ARHGEF18: variants seen among roughly 807,000 people sequenced by gnomAD.
The protein encoded by ARHGEF18 is rho guanine nucleotide exchange factor 18.
ARHGEF18 carries 93 observed loss-of-function variants against 155.7 expected under a neutral mutation model. The ratio of observed to expected loss-of-function variants is 0.60; its 90% CI spans 0.50 to 0.71. The LOEUF is 0.71. Among genes scored for constraint, ARHGEF18 ranks in the 30% least tolerant of loss-of-function variants. ARHGEF18 has a pLI of 0.00. For missense variants in ARHGEF18, 1,593 were observed against 1,816.1 expected (o/e 0.88, Z 2.23); for synonymous variants, 742 against 753.1 (o/e 0.99, Z 0.24).
intron 10 of ARHGEF18, among the ~76,000 whole-genome samples, chr19:7,388,155 T>C (rs975409813): frequency 6.6e-6 from 1 of 152,074 alleles, no homozygotes; most frequent in Non-Finnish European, 1.5e-5. Flanking sequence ...TGAATGTCAC[T>C]TTATAATCAC....
At chr19:7,398,901 G>A (rs1426387839) in intron 10 of ARHGEF18, among the ~76,000 whole-genome samples, 1 of 152,192 alleles carries the variant, frequency 6.6e-6, no homozygotes, top group Non-Finnish European at 1.5e-5. Flanking sequence ...CAGGGCCGTG[G>A]TGACTGGCTG....
chr19:7,396,692 C>T (rs113912031), intron 10 of ARHGEF18, among the ~76,000 whole-genome samples: 8,096 of 148,870 alleles, frequency 0.054, 275 homozygotes, highest in South Asian at 0.083. Context: ...TCCAGCCTGG[C>T]GACAGAGCAA....
intron 10 of ARHGEF18, among the ~76,000 whole-genome samples, chr19:7,428,755 A>G (rs1317919683): frequency 6.6e-6 from 1 of 152,146 alleles, no homozygotes; most frequent in Non-Finnish European, 1.5e-5. Flanking sequence ...GGGCCCCTGC[A>G]GGTCGAACCT....
At chr19:7,441,616 C>A (rs1388604373) in intron 11 of ARHGEF18, 37 bp from the exon 12 acceptor site, 1 of 1,571,338 alleles carries the variant, frequency 6.4e-7, no homozygotes. Flanking sequence ...GTTTAATTCA[C>A]TTTTCTAAAA....
intron 1 of ARHGEF18, among the ~76,000 whole-genome samples, chr19:7,357,980 A>G (rs1025291455): frequency 4.6e-5 from 7 of 151,854 alleles, no homozygotes; most frequent in Non-Finnish European, 8.8e-5. Context: ...TCTTCCTTCT[A>G]TATGTGCTTC....
Position 7,468,980 on chromosome 19 carries a change from C to G in ARHGEF18, c.3636C>G (p.Ser1212Arg). The G allele has an allele frequency of 1.3e-6, 2 of 1,591,542 alleles. No individual in the cohort carries two copies. Among genetic ancestry groups the G allele is most frequent in the South Asian group, 2.3e-5 (2 of 88,000 alleles). The stretch of plus-strand genomic sequence containing the variant: ...CCACCGAGAACCGGCTGGCCAAGAG[C>G]GATGTGCCCATCCAGCTGCTCAGCG... ...SAPTENRLAKSDVPIQLLSAT... is the reference protein window; with the variant it reads ...SAPTENRLAKRDVPIQLLSAT... The change falls in exon 27 of 29, where the codon AGC becomes AGG. Residue 1212 changes from serine (S) to arginine (R), a missense_variant. Ser to Arg is a moderately radical substitution (Grantham distance 110, BLOSUM62 -1). Transcript: ENST00000668164.
intron 10 of ARHGEF18, among the ~76,000 whole-genome samples, chr19:7,411,825 T>C (rs1972703708): frequency 6.6e-6 from 1 of 152,054 alleles, no homozygotes; most frequent in African/African-American, 2.4e-5. Context: ...ATCTGACAAC[T>C]CTAGGGACCT....
intron 20 of ARHGEF18, among the ~76,000 whole-genome samples, chr19:7,461,556 A>AG (rs946181337): frequency 2.0e-5 from 3 of 152,298 alleles, no homozygotes; most frequent in African/African-American, 7.2e-5. Flanking sequence ...TCTCAAAAGA[A>AG]GAAGGAAGGA....
intron 8 of ARHGEF18, among the ~76,000 whole-genome samples, chr19:7,381,690 A>ATAAT (rs1970746902): frequency 7.8e-6 from 1 of 128,118 alleles, no homozygotes; most frequent in Admixed American, 8.1e-5. Context: ...AAATAAATAA[A>ATAAT]TAATAAATAA....
chr19:7,477,032 G>T (rs1977246193), downstream of ARHGEF18: 3 of 515,260 alleles, frequency 5.8e-6, no homozygotes, highest in Admixed American at 8.3e-5. Flanking sequence ...CGGCTCAGGA[G>T]CTCCAGGCTG....
chr19:7,434,269 A>C (rs1161560259), intron 10 of ARHGEF18, among the ~76,000 whole-genome samples: 1 of 152,052 alleles, frequency 6.6e-6, no homozygotes, highest in African/African-American at 2.4e-5. Context: ...GATTACAGGC[A>C]TGAGCCACTG....
At chr19:7,362,283 A>G (rs1372119937) in intron 1 of ARHGEF18, among the ~76,000 whole-genome samples, 4 of 150,838 alleles carry the variant, frequency 2.7e-5, no homozygotes, top group African/African-American at 9.8e-5. Context: ...AAGGAGAAGA[A>G]GAGGAGGAGG....
intron 20 of ARHGEF18, 27 bp downstream of exon 20, chr19:7,460,021 ACCCCTTGTGTGGTGAGCCCTGGG>A: frequency 6.4e-7 from 1 of 1,552,942 alleles, no homozygotes. Context: ...GTCTGGGCAC[ACCCCTTGTGTGGTGAGCCCTGGG>A]CCCTCCATCA....
At chr19:7,412,334 A>C (rs962252528) in intron 10 of ARHGEF18, among the ~76,000 whole-genome samples, 3 of 151,896 alleles carry the variant, frequency 2.0e-5, no homozygotes, top group African/African-American at 4.8e-5. Context: ...GTTTTTAGGA[A>C]CCACCAAGCT....
At chr19:7,369,590 A>T (rs905205670) in intron 2 of ARHGEF18, among the ~76,000 whole-genome samples, 7 of 151,894 alleles carry the variant, frequency 4.6e-5, no homozygotes, top group Non-Finnish European at 7.4e-5. Context: ...TGAGGTCAGG[A>T]GTTCAAGAGC....
chr19:7,478,301 C>A, the ARHGEF18 span: 1 of 1,609,244 alleles, frequency 6.2e-7, no homozygotes, highest in Non-Finnish European at 8.5e-7. Flanking sequence ...GCTGGGTGAT[C>A]ACGGGCTCCT....
intron 18 of ARHGEF18, among the ~76,000 whole-genome samples, chr19:7,456,751 A>G (rs953414670): frequency 1.2e-4 from 18 of 152,162 alleles, no homozygotes; most frequent in African/African-American, 4.1e-4. Flanking sequence ...AAAACAAAAA[A>G]ACAAAACAAA....
intron 14 of ARHGEF18, among the ~76,000 whole-genome samples, chr19:7,446,477 T>C (rs1974998428): frequency 6.6e-6 from 1 of 151,908 alleles, no homozygotes; most frequent in African/African-American, 2.4e-5. Context: ...GCGCGGTGGC[T>C]CATGCCTATA....
intron 10 of ARHGEF18, among the ~76,000 whole-genome samples, chr19:7,407,814 C>T (rs76035563): frequency 0.12 from 18,777 of 151,516 alleles, 2,300 homozygotes; most frequent in African/African-American, 0.32. Flanking sequence ...TACAAAAAAA[C>T]TAGCCGGGCG....
Sources: allele counts gnomAD v4.1 joint callset (sites outside exome capture counted in the v4.1 genomes callset), GRCh38; gene constraint gnomAD v4.1.1; transcripts MANE v1.5; gene names NCBI Gene and HGNC (gene_info 2026-07-23, HGNC 2026-07-21).